NXPH2: variants seen among roughly 807,000 people sequenced by gnomAD.
NXPH2 encodes the protein neurexophilin-2.
NXPH2 carries 5 observed loss-of-function variants against 19.8 expected under a neutral mutation model. The observed-to-expected ratio is 0.25, with a 90% CI of 0.13 to 0.53. NXPH2 has a LOEUF of 0.53. Among genes scored for constraint, NXPH2 ranks in the 20% least tolerant of loss-of-function variants. The probability of loss-of-function intolerance (pLI) is 0.96; values close to 1 mark genes in which losing one functional copy is unlikely to be tolerated. For missense variants in NXPH2, 289 were observed against 322.8 expected (o/e 0.90, Z 0.80); for synonymous variants, 154 against 127.4 (o/e 1.21, Z -1.41).
chr2:138,690,397 T>C (rs1262367483), intron 1 of NXPH2, among the ~76,000 whole-genome samples: 3 of 152,120 alleles, frequency 2.0e-5, no homozygotes, highest in Non-Finnish European at 2.9e-5. Flanking sequence ...CCTTTATACA[T>C]CCAGGCCATG....
At chr2:138,676,568 C>G (rs1014517816) in intron 1 of NXPH2, among the ~76,000 whole-genome samples, 5 of 152,158 alleles carry the variant, frequency 3.3e-5, no homozygotes, top group Admixed American at 2.6e-4. Flanking sequence ...ATGCCATTGT[C>G]ACCCCTTGCT....
chr2:138,746,836 T>G (rs1681744891), intron 1 of NXPH2, among the ~76,000 whole-genome samples: 1 of 152,120 alleles, frequency 6.6e-6, no homozygotes. Context: ...TGCCTTTCAT[T>G]TTCTTTTTCT....
chr2:138,690,136 C>G (rs1468831861), intron 1 of NXPH2, among the ~76,000 whole-genome samples: 3 of 152,198 alleles, frequency 2.0e-5, no homozygotes, highest in Non-Finnish European at 4.4e-5. Flanking sequence ...CATGCCTCAT[C>G]CTTCCCACCT....
chr2:138,712,898 C>T (rs1024823134), intron 1 of NXPH2, among the ~76,000 whole-genome samples: 13 of 152,220 alleles, frequency 8.5e-5, no homozygotes, highest in Admixed American at 7.2e-4. Context: ...AGAAAAGGAG[C>T]AAACAGGGGC....
chr2:138,697,324 T>C (rs1680843476), intron 1 of NXPH2, among the ~76,000 whole-genome samples: 1 of 152,192 alleles, frequency 6.6e-6, no homozygotes, highest in African/African-American at 2.4e-5. Flanking sequence ...TTTATTATAC[T>C]GTATGTAAAT....
intron 1 of NXPH2, among the ~76,000 whole-genome samples, chr2:138,771,535 A>C (rs893585445): frequency 4.6e-5 from 7 of 152,150 alleles, no homozygotes; most frequent in African/African-American, 1.7e-4. Flanking sequence ...GACAGGCTGA[A>C]GCAAGTATTT....
intron 1 of NXPH2, among the ~76,000 whole-genome samples, chr2:138,722,665 A>T (rs919662742): frequency 6.6e-6 from 1 of 152,220 alleles, no homozygotes; most frequent in African/African-American, 2.4e-5. Flanking sequence ...AAGAAGGCCC[A>T]GTCCAGGCTA....
intron 1 of NXPH2, among the ~76,000 whole-genome samples, chr2:138,724,496 G>A (rs1411030159): frequency 2.0e-5 from 3 of 152,202 alleles, no homozygotes; most frequent in African/African-American, 7.2e-5. Context: ...AATGCAAATA[G>A]CCTAATCCCT....
chr2:138,739,207 C>A (rs892059521), intron 1 of NXPH2, among the ~76,000 whole-genome samples: 3 of 152,162 alleles, frequency 2.0e-5, no homozygotes, highest in African/African-American at 7.2e-5. Context: ...ATGTGCTTTT[C>A]ATTCAACCAA....
intron 1 of NXPH2, among the ~76,000 whole-genome samples, chr2:138,671,903 A>G (rs1297027272): frequency 6.6e-6 from 1 of 152,202 alleles, no homozygotes; most frequent in Non-Finnish European, 1.5e-5. Flanking sequence ...TTTCATTTTA[A>G]TGGGTTGATG....
chr2:138,737,265 T>C (rs150864552), intron 1 of NXPH2, among the ~76,000 whole-genome samples: 3,168 of 152,236 alleles, frequency 0.021, 49 homozygotes, highest in Non-Finnish European at 0.033. Flanking sequence ...AGACTCACAG[T>C]TCCACATAGC....
chr2:138,718,487 C>A (rs1184023279), intron 1 of NXPH2, among the ~76,000 whole-genome samples: 1 of 152,106 alleles, frequency 6.6e-6, no homozygotes, highest in Non-Finnish European at 1.5e-5. Flanking sequence ...TATTTTCAAT[C>A]ATACAAGTTT....
At chr2:138,737,989 C>T (rs558192446) in intron 1 of NXPH2, among the ~76,000 whole-genome samples, 2 of 151,656 alleles carry the variant, frequency 1.3e-5, no homozygotes, top group South Asian at 2.1e-4. Context: ...CATATGTATA[C>T]ATGTGCCATG....
intron 1 of NXPH2, among the ~76,000 whole-genome samples, chr2:138,692,117 T>C (rs940820499): frequency 6.6e-6 from 1 of 152,184 alleles, no homozygotes; most frequent in Non-Finnish European, 1.5e-5. Flanking sequence ...ACCTGCAGAA[T>C]TAGCCTGCAG....
intron 1 of NXPH2, among the ~76,000 whole-genome samples, chr2:138,777,417 G>C (rs1234831989): frequency 6.6e-6 from 1 of 152,062 alleles, no homozygotes; most frequent in Non-Finnish European, 1.5e-5. Flanking sequence ...TCTGTTAAAA[G>C]CACTATACAC....
At chr2:138,696,646 G>T in intron 1 of NXPH2, among the ~76,000 whole-genome samples, 1 of 152,158 alleles carries the variant, frequency 6.6e-6, no homozygotes, top group East Asian at 1.9e-4. Flanking sequence ...GTACATTGTT[G>T]GTGGGAAAAT....
intron 1 of NXPH2, among the ~76,000 whole-genome samples, chr2:138,734,226 T>C (rs1033228365): frequency 5.9e-5 from 9 of 152,196 alleles, no homozygotes; most frequent in African/African-American, 1.9e-4. Flanking sequence ...GCCTGGGTGA[T>C]AGAAGAAGAC....
rs1190562618 is a variant in NXPH2 at position 138,702,379 on chromosome 2, C to T, written c.52-30714G>A. Among the ~76,000 whole-genome samples the T allele has an allele frequency of 2.0e-5, 3 of 152,276 alleles. No individual in the cohort carries two copies. The East Asian group carries it at 5.8e-4, about 29-fold the overall frequency. ...AAGTGATCCTCTCACCTTGGCTTCC[C>T]AAAGTGCTGGGATTTCAGGCATGAG... On this transcript the variant is annotated intron_variant, in intron 1 of 1. Transcript: ENST00000272641.
chr2:138,700,863 G>A (rs1166856327), intron 1 of NXPH2, among the ~76,000 whole-genome samples: 1 of 151,940 alleles, frequency 6.6e-6, no homozygotes, highest in Non-Finnish European at 1.5e-5. Flanking sequence ...AACCACAGTG[G>A]CGCTGATATC....
Sources: gnomAD v4.1 joint callset for allele counts (sites outside exome capture counted in the v4.1 genomes callset) on GRCh38, gnomAD v4.1.1 for gene constraint, MANE v1.5 for transcripts, NCBI Gene and HGNC (gene_info 2026-07-23, HGNC 2026-07-21) for gene names.